The following CSMD1 variants were observed in gnomAD, a reference collection of about 807,000 sequenced individuals.
CSMD1 encodes the protein CUB and sushi domain-containing protein 1.
In CSMD1, 213 loss-of-function variants were observed where a neutral mutation model predicts 417.5. The ratio of observed to expected loss-of-function variants is 0.51; its 90% CI spans 0.46 to 0.57. The LOEUF is 0.57. CSMD1 is among the 20% of genes least tolerant of loss of function. The pLI is 0.00. For missense variants in CSMD1, 6,923 were observed against 4,529.7 expected, an observed-to-expected ratio of 1.53 and a Z score of -15.17; for synonymous variants, 2,862 against 1,736.8, an observed-to-expected ratio of 1.65 and a Z score of -16.11.
chr8:4,088,292 G>C (rs960961454), intron 3 of CSMD1, among the ~76,000 whole-genome samples: 1 of 152,188 alleles, frequency 6.6e-6, no homozygotes, highest in African/African-American at 2.4e-5. Flanking sequence ...CATGGCCATT[G>C]AATACAGCCT....
intron 26 of CSMD1, among the ~76,000 whole-genome samples, chr8:3,238,833 G>C (rs559927673): frequency 4.1e-4 from 62 of 152,276 alleles, no homozygotes; most frequent in African/African-American, 1.4e-3. Flanking sequence ...TGGCAGGTTG[G>C]GGATGGCACC....
intron 5 of CSMD1, among the ~76,000 whole-genome samples, chr8:3,756,381 T>C (rs1376439487): frequency 1.3e-5 from 2 of 152,050 alleles, no homozygotes; most frequent in Non-Finnish European, 2.9e-5. Context: ...TTAGTTTCTT[T>C]GTATATTAAA....
At chr8:3,603,433 T>C (rs996037796) in intron 8 of CSMD1, among the ~76,000 whole-genome samples, 3 of 152,178 alleles carry the variant, frequency 2.0e-5, no homozygotes, top group African/African-American at 7.2e-5. Context: ...CCTCCTTTCT[T>C]TATATGACAA....
chr8:3,855,584 T>C (rs1482656082), intron 5 of CSMD1, among the ~76,000 whole-genome samples: 1 of 152,176 alleles, frequency 6.6e-6, no homozygotes, highest in Non-Finnish European at 1.5e-5. Flanking sequence ...GAGTTTCAGT[T>C]GGTACAATGC....
chr8:4,425,783 G>T (rs1337022345), intron 2 of CSMD1, among the ~76,000 whole-genome samples: 1 of 152,114 alleles, frequency 6.6e-6, no homozygotes, highest in Admixed American at 6.6e-5. Context: ...TCTTGCAGTA[G>T]CAAGTCTTCC....
chr8:3,988,459 C>G (rs543942772), intron 5 of CSMD1, among the ~76,000 whole-genome samples: 5 of 152,312 alleles, frequency 3.3e-5, no homozygotes, highest in African/African-American at 1.2e-4. Context: ...ACACCCTAAC[C>G]TCTCACAGCT....
rs1563183391 is a variant in CSMD1, at chr8:2,961,621, T to C, written c.9629-407A>G. Among the ~76,000 whole-genome samples, 5 of 152,178 alleles carry C rather than the reference T, an allele frequency of 3.3e-5. No homozygotes were observed. In the South Asian group the frequency reaches 1.0e-3, roughly 31 times the overall value. ...CATTATTCTGAGTTTCTTTAATTAA[T>C]TTTCCTCAACATTTCAAAATGAAAA... On this transcript the variant is annotated intron_variant, in intron 61 of 69. Transcript: ENST00000635120.
chr8:4,381,748 G>GT (rs1007015303), intron 3 of CSMD1, among the ~76,000 whole-genome samples: 1 of 152,080 alleles, frequency 6.6e-6, no homozygotes, highest in South Asian at 2.1e-4. Flanking sequence ...TCGATGCTAT[G>GT]TTTTTTTGTT....
At chr8:4,236,477 A>C (rs1344329138) in intron 3 of CSMD1, among the ~76,000 whole-genome samples, 1 of 152,172 alleles carries the variant, frequency 6.6e-6, no homozygotes, top group Non-Finnish European at 1.5e-5. Flanking sequence ...AACTGGCTGT[A>C]TTCATGGGCC....
At chr8:3,560,407 A>G (rs536148613) in intron 10 of CSMD1, among the ~76,000 whole-genome samples, 58 of 152,298 alleles carry the variant, frequency 3.8e-4, no homozygotes, top group African/African-American at 1.3e-3. Flanking sequence ...TGTCTTTTCT[A>G]AGATGAAATA....
At chr8:4,435,795 AGACAGACCGTGTCCCGAACACCTTCAGGG>A (rs1398816709) in intron 2 of CSMD1, among the ~76,000 whole-genome samples, 1 of 152,226 alleles carries the variant, frequency 6.6e-6, no homozygotes, top group Non-Finnish European at 1.5e-5. Flanking sequence ...AGACAATAGA[AGACAGACCGTGTCCCGAACACCTTCAGGG>A]CAGGGTGTGT....
chr8:4,573,861 C>G (rs1218964888), intron 2 of CSMD1, among the ~76,000 whole-genome samples: 2 of 152,176 alleles, frequency 1.3e-5, no homozygotes, highest in Non-Finnish European at 2.9e-5. Context: ...GCTACAGTGG[C>G]TTTGCCGTGC....
chr8:4,524,329 T>C (rs1298505796), intron 2 of CSMD1, among the ~76,000 whole-genome samples: 2 of 151,878 alleles, frequency 1.3e-5, no homozygotes, highest in African/African-American at 4.8e-5. Flanking sequence ...ACTATTCTAC[T>C]GTTAAAAGCA....
At chr8:3,132,882 T>G (rs183427370) in intron 41 of CSMD1, among the ~76,000 whole-genome samples, 101 of 152,228 alleles carry the variant, frequency 6.6e-4, no homozygotes, top group African/African-American at 2.3e-3. Context: ...ACAGGAAGGT[T>G]AGGAACCCAC....
At chr8:4,259,695 C>T (rs575461704) in intron 3 of CSMD1, among the ~76,000 whole-genome samples, 2 of 152,226 alleles carry the variant, frequency 1.3e-5, no homozygotes, top group South Asian at 2.1e-4. Flanking sequence ...TTCTATTCAT[C>T]ATGTACACAT....
At chr8:3,116,186 C>T (rs1816856360) in intron 42 of CSMD1, among the ~76,000 whole-genome samples, 1 of 152,288 alleles carries the variant, frequency 6.6e-6, no homozygotes, top group South Asian at 2.1e-4. Flanking sequence ...ATTAAACACA[C>T]ATTGGATGGT....
intron 1 of CSMD1, among the ~76,000 whole-genome samples, chr8:4,672,246 G>T (rs763965532): frequency 9.2e-5 from 14 of 152,122 alleles, no homozygotes; most frequent in Non-Finnish European, 1.6e-4. Flanking sequence ...ACAGGTCACA[G>T]GACACATATC....
At chr8:4,554,557 G>C (rs1033958385) in intron 2 of CSMD1, among the ~76,000 whole-genome samples, 8 of 152,190 alleles carry the variant, frequency 5.3e-5, no homozygotes, top group African/African-American at 1.7e-4. Flanking sequence ...GAGTTGTATG[G>C]AAGTTAAGAG....
At chr8:4,653,540 T>C (rs748229142) in intron 1 of CSMD1, among the ~76,000 whole-genome samples, 1 of 152,086 alleles carries the variant, frequency 6.6e-6, no homozygotes, top group Non-Finnish European at 1.5e-5. Flanking sequence ...CCATGCTCAA[T>C]ATCATTTCTA....
Sources: allele counts gnomAD v4.1 joint callset (sites outside exome capture counted in the v4.1 genomes callset), GRCh38; gene constraint gnomAD v4.1.1; transcripts MANE v1.5; gene names NCBI Gene and HGNC (gene_info 2026-07-23, HGNC 2026-07-21).